GNL3L: variants seen among roughly 807,000 people sequenced by gnomAD.
GNL3L encodes guanine nucleotide-binding protein-like 3-like protein.
A neutral mutation model predicts 42.9 loss-of-function variants in GNL3L; 4 were observed. That is an observed-to-expected ratio of 0.09 (90% CI 0.05 to 0.21). The LOEUF (loss-of-function observed/expected upper bound fraction) is 0.21, where lower values mean the gene tolerates loss of function less well. Ranked by LOEUF, GNL3L falls within the 10% of genes least tolerant of loss-of-function variation. The pLI, the probability that GNL3L is intolerant of heterozygous loss-of-function variation, is 1.00. For missense variants in GNL3L, 412 were observed against 481.7 expected (o/e 0.86, Z 1.36); for synonymous variants, 159 against 176.3 (o/e 0.90, Z 0.78).
the GNL3L span, among the ~76,000 whole-genome samples, chrX:54,640,818 T>A: frequency 1.8e-5 from 2 of 112,508 alleles, no homozygotes; most frequent in South Asian, 7.3e-4. Flanking sequence ...AGGCTGGTTT[T>A]AATTTCCGTA....
At chrX:54,619,886 G>T in intron 16 of GNL3L, among the ~76,000 whole-genome samples, 1 of 111,717 alleles carries the variant, frequency 9.0e-6, no homozygotes, top group East Asian at 2.8e-4. Flanking sequence ...ATTTTTTGGG[G>T]TGCTGTTCAC....
chrX:54,586,723 A>G (rs1204086276), intron 16 of GNL3L, among the ~76,000 whole-genome samples: 2 of 111,523 alleles, frequency 1.8e-5, no homozygotes, highest in African/African-American at 6.5e-5. Context: ...ACCTCTACAT[A>G]CCACAGACAG....
chrX:54,598,169 G>A (rs1284622627), intron 16 of GNL3L, among the ~76,000 whole-genome samples: 1 of 111,516 alleles, frequency 9.0e-6, no homozygotes, highest in African/African-American at 3.3e-5. Context: ...TAGGTAATAA[G>A]TTCATCACCT....
chrX:54,583,510 T>C, intron 16 of GNL3L, among the ~76,000 whole-genome samples: 1 of 111,298 alleles, frequency 9.0e-6, no homozygotes, highest in South Asian at 3.8e-4. Context: ...TTTTTTTCTT[T>C]ATAGATCATT....
chrX:54,558,760 G>A (rs1432296650), intron 15 of GNL3L, 105 bp downstream of exon 15: 24 of 533,973 alleles, frequency 4.5e-5, no homozygotes, highest in Non-Finnish European at 7.2e-5. Flanking sequence ...GGGTTCAAGC[G>A]ATTCTCCTGC....
At chrX:54,624,046 G>C (rs1206076818), downstream of GNL3L, among the ~76,000 whole-genome samples, 3 of 110,835 alleles carry the variant, frequency 2.7e-5, no homozygotes, top group African/African-American at 9.9e-5. Flanking sequence ...TCAGCCCTCT[G>C]AGTAGCCGGG....
chrX:54,564,402 C>CTT lies in GNL3L; in HGVS notation c.*3819_*3820dup, dbSNP rs567172499. ...AGTCACTGGTTTTTTTCTTCGTTCT[C>CTT]TTTTTTTTTTTTTTTTTTTTGAGAC... On this transcript the variant is annotated 3_prime_UTR_variant, in exon 16 of 16. Transcript: ENST00000360845. Among the ~76,000 whole-genome samples the CTT allele has an allele frequency of 0.011, 850 of 80,760 alleles. 30 individuals are homozygous for CTT. The highest frequency in any genetic ancestry group is 0.036 in the African/African-American group (716 of 20,068). The allele number at this position is 80,760 out of a possible 115,157, so 70.1% of individuals were successfully genotyped here.
At chrX:54,634,929 T>C in the GNL3L span, among the ~76,000 whole-genome samples, 2 of 106,704 alleles carry the variant, frequency 1.9e-5, no homozygotes, top group Admixed American at 1.0e-4. Context: ...GTAGCTGGGA[T>C]TACAGGTGCC....
chrX:54,559,162 C>T (rs1244781032), intron 15 of GNL3L, among the ~76,000 whole-genome samples: 2 of 111,711 alleles, frequency 1.8e-5, no homozygotes, highest in Non-Finnish European at 3.8e-5. Context: ...AGTAGGTCTT[C>T]TGTGGGGCCT....
the GNL3L span, among the ~76,000 whole-genome samples, chrX:54,637,377 A>C: frequency 9.6e-3 from 1,071 of 112,144 alleles, 11 homozygotes; most frequent in African/African-American, 0.033. Context: ...ACCCTTGTGT[A>C]CCGCTAGAAG....
At chrX:54,571,158 T>C (rs1324484123), downstream of GNL3L, among the ~76,000 whole-genome samples, 1 of 109,989 alleles carries the variant, frequency 9.1e-6, no homozygotes, top group Non-Finnish European at 1.9e-5. Context: ...TGTTTCATGC[T>C]CTTCTCAATT....
chrX:54,579,844 A>C (rs1925683613), intron 16 of GNL3L, among the ~76,000 whole-genome samples: 1 of 110,751 alleles, frequency 9.0e-6, no homozygotes, highest in Admixed American at 9.6e-5. Flanking sequence ...CGCCTGGCTA[A>C]TTTTTGTATT....
chrX:54,591,747 G>A (rs1386117599), intron 16 of GNL3L, among the ~76,000 whole-genome samples: 1 of 110,913 alleles, frequency 9.0e-6, no homozygotes, highest in East Asian at 2.8e-4. Flanking sequence ...TCAGGTAATG[G>A]GATTCCTTCA....
At chrX:54,637,164 T>C in the GNL3L span, among the ~76,000 whole-genome samples, 2 of 111,778 alleles carry the variant, frequency 1.8e-5, no homozygotes, top group Non-Finnish European at 3.8e-5. Flanking sequence ...GAACAAGAGC[T>C]TGGAGCTGCC....
intron 16 of GNL3L, among the ~76,000 whole-genome samples, chrX:54,594,387 G>A (rs1925906827): frequency 9.0e-6 from 1 of 110,578 alleles, no homozygotes; most frequent in African/African-American, 3.3e-5. Flanking sequence ...ATAGTTTTCT[G>A]TCTTGAAATC....
chrX:54,588,546 C>T (rs764084637), intron 16 of GNL3L, among the ~76,000 whole-genome samples: 21 of 111,681 alleles, frequency 1.9e-4, no homozygotes, highest in South Asian at 3.7e-4. Flanking sequence ...GGAACCAGGC[C>T]GGGTGTGGTG....
Position 54,563,192 on chromosome X carries a change from G to A in GNL3L, c.*2590G>A, listed in dbSNP as rs995878087. ...TAAGTCTATTTTGCAACCATACAGC[G>A]TTTCATAATTTAGCATTTAAAATAC... On this transcript the variant is annotated 3_prime_UTR_variant, in exon 16 of 16. Coordinates refer to ENST00000360845, the MANE Select transcript of GNL3L (RefSeq NM_001184819.2). 3.6e-5 allele frequency among the ~76,000 whole-genome samples: 4 copies of A among 111,119 alleles called. No individual in the cohort carries two copies. The highest frequency in any genetic ancestry group is 7.5e-5 in the Non-Finnish European group (4 of 53,086).
intron 16 of GNL3L, among the ~76,000 whole-genome samples, chrX:54,596,626 G>GTCCT (rs1190569179): frequency 8.9e-6 from 1 of 112,234 alleles, no homozygotes; most frequent in African/African-American, 3.2e-5. Flanking sequence ...CCAGGCTTGT[G>GTCCT]TCCTTCTCTT....
intron 13 of GNL3L, 85 bp from the exon 14 acceptor site, chrX:54,554,480 A>G (rs1196609726): frequency 7.1e-6 from 7 of 979,980 alleles, no homozygotes; most frequent in East Asian, 3.1e-5. Flanking sequence ...GGAAGCATCC[A>G]TGTATCCTTT....
Sources: gnomAD v4.1 joint callset for allele counts (sites outside exome capture counted in the v4.1 genomes callset) on GRCh38, gnomAD v4.1.1 for gene constraint, MANE v1.5 for transcripts, NCBI Gene and HGNC (gene_info 2026-07-23, HGNC 2026-07-21) for gene names.